Variants in ST3GAL3 observed in about 807,000 individuals in gnomAD.
ST3GAL3 encodes CMP-N-acetylneuraminate-beta-1,4-galactoside alpha-2,3-sialyltransferase.
A neutral mutation model predicts 50.1 loss-of-function variants in ST3GAL3; 21 were observed. That is an observed-to-expected ratio of 0.42 (90% CI 0.30 to 0.60). ST3GAL3 has a LOEUF of 0.60. Among genes scored for constraint, ST3GAL3 ranks in the 20% least tolerant of loss-of-function variants. The pLI is 0.19. For synonymous variants in ST3GAL3, 183 were observed against 190.0 expected, an observed-to-expected ratio of 0.96 and a Z score of 0.30; for missense variants, 353 against 489.4, an observed-to-expected ratio of 0.72 and a Z score of 2.63.
At chr1:43,902,266 G>A (rs918440770) in intron 9 of ST3GAL3, among the ~76,000 whole-genome samples, 1 of 152,230 alleles carries the variant, frequency 6.6e-6, no homozygotes, top group Non-Finnish European at 1.5e-5. Context: ...GCAGCTCTGT[G>A]TTCTGGAGCC....
intron 5 of ST3GAL3, chr1:43,839,064 C>G (rs1413952752): frequency 6.5e-6 from 1 of 153,386 alleles, no homozygotes; most frequent in Non-Finnish European, 1.5e-5. Flanking sequence ...GGGGTGGGCT[C>G]TGCTCACTGG....
intron 4 of ST3GAL3, among the ~76,000 whole-genome samples, chr1:43,818,236 G>T (rs2061658789): frequency 6.6e-6 from 1 of 151,934 alleles, no homozygotes; most frequent in Admixed American, 6.6e-5. Context: ...AACCCCAAAG[G>T]GCTCAGCATA....
chr1:43,917,463 T>C (rs2082019836), intron 9 of ST3GAL3, among the ~76,000 whole-genome samples: 3 of 91,876 alleles, frequency 3.3e-5, no homozygotes, highest in Admixed American at 1.9e-4. Context: ...ATATAATATA[T>C]ATAATATATA....
chr1:43,805,178 C>G (rs1167404486), intron 3 of ST3GAL3, among the ~76,000 whole-genome samples: 1 of 152,172 alleles, frequency 6.6e-6, no homozygotes, highest in Non-Finnish European at 1.5e-5. Flanking sequence ...AGCTAAACAT[C>G]GAGCCCTCAG....
intron 5 of ST3GAL3, among the ~76,000 whole-genome samples, chr1:43,873,716 C>G (rs2073496391): frequency 6.6e-6 from 1 of 152,052 alleles, no homozygotes; most frequent in South Asian, 2.1e-4. Context: ...ACCCGGGAGG[C>G]AGAGGTTGCA....
intron 11 of ST3GAL3, among the ~76,000 whole-genome samples, chr1:43,926,405 C>T (rs1318554442): frequency 6.6e-6 from 1 of 152,138 alleles, no homozygotes; most frequent in Non-Finnish European, 1.5e-5. Context: ...GCCTGACCAA[C>T]ATGGAGAAAC....
At chr1:43,906,865 T>A (rs2079862868) in intron 9 of ST3GAL3, among the ~76,000 whole-genome samples, 1 of 152,230 alleles carries the variant, frequency 6.6e-6, no homozygotes, top group African/African-American at 2.4e-5. Context: ...ATTAAGAAAC[T>A]AGGGTACAGA....
chr1:43,756,591 G>C (rs143312642), intron 2 of ST3GAL3, among the ~76,000 whole-genome samples: 4 of 151,876 alleles, frequency 2.6e-5, no homozygotes, highest in Admixed American at 2.6e-4. Flanking sequence ...AAAATAGAAC[G>C]GTTGCCTTTG....
chr1:43,741,282 G>A (rs1261149139), intron 2 of ST3GAL3, among the ~76,000 whole-genome samples: 1 of 152,178 alleles, frequency 6.6e-6, no homozygotes, highest in Non-Finnish European at 1.5e-5. Flanking sequence ...GCAGTGAGCT[G>A]TGGTCACGCC....
intron 1 of ST3GAL3, among the ~76,000 whole-genome samples, chr1:43,719,992 C>T (rs922208240): frequency 7.3e-5 from 11 of 150,288 alleles, no homozygotes; most frequent in African/African-American, 2.7e-4. Context: ...ACCTATAATC[C>T]CACCAGTTTG....
chr1:43,814,820 T>G, intron 3 of ST3GAL3, 71 bp from the exon 4 acceptor site: 1 of 1,455,574 alleles, frequency 6.9e-7, no homozygotes, highest in Non-Finnish European at 9.7e-7. Context: ...GTGGTCTAGG[T>G]CTGGGGGATG....
At chr1:43,838,548 G>T in intron 5 of ST3GAL3, 1 of 492,054 alleles carries the variant, frequency 2.0e-6, no homozygotes, top group Non-Finnish European at 3.8e-6. Context: ...TTCTGCAGAA[G>T]GATAACCTAC....
intron 1 of ST3GAL3, among the ~76,000 whole-genome samples, chr1:43,735,291 T>C (rs1250930101): frequency 2.0e-5 from 3 of 152,212 alleles, no homozygotes; most frequent in South Asian, 4.1e-4. Flanking sequence ...AATTAAGGTT[T>C]TGGGTCTTCA....
chr1:43,840,897 A>G (rs956599820), intron 5 of ST3GAL3: 2 of 152,260 alleles, frequency 1.3e-5, no homozygotes, highest in South Asian at 2.1e-4. Flanking sequence ...TCGAGATACA[A>G]TGGGGGTATA....
chr1:43,762,671 A>C (rs1301473299), intron 2 of ST3GAL3, among the ~76,000 whole-genome samples: 1 of 152,238 alleles, frequency 6.6e-6, no homozygotes, highest in African/African-American at 2.4e-5. Context: ...TTATACATAC[A>C]TAAGCATATA....
At chr1:43,804,125 C>T (rs1468614481) in intron 3 of ST3GAL3, among the ~76,000 whole-genome samples, 1 of 151,508 alleles carries the variant, frequency 6.6e-6, no homozygotes, top group East Asian at 1.9e-4. Flanking sequence ...GCTGGTGAGA[C>T]CCAGACTTTC....
intron 2 of ST3GAL3, among the ~76,000 whole-genome samples, chr1:43,764,144 T>C (rs559338993): frequency 4.6e-5 from 7 of 152,348 alleles, no homozygotes; most frequent in African/African-American, 1.4e-4. Context: ...TAATAACTTT[T>C]ATGTAGCTCT....
intron 5 of ST3GAL3, among the ~76,000 whole-genome samples, chr1:43,865,477 C>T (rs2071111903): frequency 6.6e-6 from 1 of 152,170 alleles, no homozygotes; most frequent in South Asian, 2.1e-4. Flanking sequence ...CTTCCCTCCC[C>T]TTCCTCTATT....
intron 3 of ST3GAL3, among the ~76,000 whole-genome samples, chr1:43,809,337 C>T (rs2060265378): frequency 6.6e-6 from 1 of 152,042 alleles, no homozygotes. Context: ...GATGAATAAT[C>T]AGCAAATTAG....
Sources: allele counts gnomAD v4.1 joint callset (sites outside exome capture counted in the v4.1 genomes callset), GRCh38; gene constraint gnomAD v4.1.1; transcripts MANE v1.5; gene names NCBI Gene and HGNC (gene_info 2026-07-23, HGNC 2026-07-21).